The following SCGB2B2 variants were observed in gnomAD, a reference collection of about 807,000 sequenced individuals.
The protein encoded by SCGB2B2 is secretoglobin-like protein.
SCGB2B2 carries 11 observed loss-of-function variants against 7.6 expected under a neutral mutation model. The observed-to-expected ratio is 1.45, with a 90% confidence interval of 0.91 to 2.40. The LOEUF is 2.40. SCGB2B2 is among the 30% of genes most tolerant of loss of function. The pLI is 0.00. For synonymous variants in SCGB2B2, 50 were observed against 48.6 expected (o/e 1.03, Z -0.12); for missense variants, 104 against 115.4 (o/e 0.90, Z 0.45).
Position 34,639,082 on chromosome 19 carries a change from C to T in SCGB2B2, c.-2032+36548G>A, listed in dbSNP as rs954417940. Among the ~76,000 whole-genome samples, 11 of 152,138 alleles carry T rather than the reference C, an allele frequency of 7.2e-5. No individual in the cohort carries two copies. The East Asian group carries it at 1.9e-3, about 27-fold the overall frequency. On this transcript the variant is annotated intron_variant, in intron 1 of 3. Coordinates refer to ENST00000601241, the MANE Select transcript of SCGB2B2 (RefSeq NM_001025591.4). ...GCCGTATCCTTTTACTTTTTTTCCC[C>T]TAATTTTCTTCTGCCCCAATTATTT... is the stretch of plus-strand genomic sequence containing the variant.
chr19:34,645,535 GACACAGACACACACACA>G (rs2066982935), intron 1 of SCGB2B2: 1 of 136,228 alleles, frequency 7.3e-6, no homozygotes, highest in African/African-American at 3.8e-5. Flanking sequence ...GACACACACA[GACACAGACACACACACA>G]CACACACACA....
chr19:34,603,971 G>A (rs2065707047), intron 1 of SCGB2B2, among the ~76,000 whole-genome samples: 1 of 151,728 alleles, frequency 6.6e-6, no homozygotes, highest in African/African-American at 2.4e-5. Context: ...GGGTCTTAGG[G>A]AGATCTCCTT....
chr19:34,636,023 A>G (rs1222775874), intron 1 of SCGB2B2, among the ~76,000 whole-genome samples: 2 of 152,156 alleles, frequency 1.3e-5, no homozygotes, highest in African/African-American at 2.4e-5. Flanking sequence ...TGGACCACAA[A>G]TCCCACAAGG....
intron 1 of SCGB2B2, among the ~76,000 whole-genome samples, chr19:34,643,988 T>C (rs777118788): frequency 6.6e-6 from 1 of 152,206 alleles, no homozygotes; most frequent in Non-Finnish European, 1.5e-5. Flanking sequence ...TACAGTGTAC[T>C]ATATATCCCA....
chr19:34,594,060 G>C (rs947808064), intron 3 of SCGB2B2, 115 bp downstream of exon 3: 17 of 853,670 alleles, frequency 2.0e-5, no homozygotes, highest in Non-Finnish European at 3.2e-5. Flanking sequence ...TGCGCATCCT[G>C]GGATGTGGCT....
At chr19:34,646,135 A>AC (rs2067006074) in intron 1 of SCGB2B2, 1 of 168,426 alleles carries the variant, frequency 5.9e-6, no homozygotes, top group African/African-American at 2.4e-5. Flanking sequence ...CCCTGCACTT[A>AC]CCTTCCCTTC....
intron 1 of SCGB2B2, among the ~76,000 whole-genome samples, chr19:34,648,858 G>C (rs1360537869): frequency 6.9e-6 from 1 of 144,362 alleles, no homozygotes; most frequent in African/African-American, 2.7e-5. Context: ...TGCAAATTCA[G>C]TTTCTCTTTG....
intron 1 of SCGB2B2, among the ~76,000 whole-genome samples, chr19:34,607,870 A>T (rs2065824942): frequency 6.6e-6 from 1 of 152,114 alleles, no homozygotes; most frequent in Non-Finnish European, 1.5e-5. Flanking sequence ...GTTTACAAAT[A>T]TTTTCTCTCA....
intron 1 of SCGB2B2, among the ~76,000 whole-genome samples, chr19:34,626,956 A>G (rs2066395577): frequency 6.6e-6 from 1 of 152,232 alleles, no homozygotes; most frequent in African/African-American, 2.4e-5. Flanking sequence ...CCAATATTCA[A>G]CATTCCTAAA....
intron 3 of SCGB2B2, among the ~76,000 whole-genome samples, 159 bp from the exon 4 acceptor site, chr19:34,593,758 T>A (rs1343707338): frequency 6.6e-6 from 1 of 151,952 alleles, no homozygotes; most frequent in Non-Finnish European, 1.5e-5. Context: ...GTGGGTTGTG[T>A]CTCCTGCTTG....
intron 1 of SCGB2B2, among the ~76,000 whole-genome samples, chr19:34,619,089 T>A (rs2066170372): frequency 6.6e-6 from 1 of 152,174 alleles, no homozygotes; most frequent in Non-Finnish European, 1.5e-5. Flanking sequence ...GAAATTAGAG[T>A]CCCATGACCT....
chr19:34,596,401 C>T lies in SCGB2B2; in HGVS notation c.-1838G>A, dbSNP rs1414440547. On this transcript the variant is annotated 5_prime_UTR_variant, in exon 2 of 4. The change abolishes an upstream ATG in the 5' untranslated region. Coordinates refer to ENST00000601241, the MANE Select transcript of SCGB2B2 (RefSeq NM_001025591.4). The stretch of plus-strand genomic sequence containing the variant: ...ACTCTCAGCCGGCTCTGTGGCCTGT[C>T]ATGTTGTGTGTGCGGGACGAGGCTT... 1 of 152,790 alleles carries T rather than the reference C, an allele frequency of 6.5e-6. No homozygotes were observed. The allele number at this position is 152,790 out of a possible 1,614,324, so 9.5% of individuals were successfully genotyped here. A position where few individuals can be genotyped will look rare whatever the true frequency, so the allele number is the denominator to read the frequency against.
chr19:34,604,268 T>C (rs1338394402), intron 1 of SCGB2B2, among the ~76,000 whole-genome samples: 1 of 152,162 alleles, frequency 6.6e-6, no homozygotes, highest in East Asian at 1.9e-4. Flanking sequence ...TAGCAGACAA[T>C]AGGGAGTTAA....
chr19:34,612,637 GGATGA>G (rs1263559523), intron 1 of SCGB2B2, among the ~76,000 whole-genome samples: 1 of 152,104 alleles, frequency 6.6e-6, no homozygotes, highest in African/African-American at 2.4e-5. Context: ...TACAGTTGTT[GGATGA>G]AATAGTCTGT....
chr19:34,611,036 G>A (rs2065912839), intron 1 of SCGB2B2, among the ~76,000 whole-genome samples: 1 of 151,700 alleles, frequency 6.6e-6, no homozygotes, highest in African/African-American at 2.4e-5. Flanking sequence ...GTTTCTTTTG[G>A]GTTCAATCTT....
intron 1 of SCGB2B2, among the ~76,000 whole-genome samples, chr19:34,661,965 T>C (rs982680141): frequency 1.3e-5 from 2 of 152,100 alleles, no homozygotes; most frequent in African/African-American, 4.8e-5. Flanking sequence ...TCGTAACCTC[T>C]GCCTCCCAGG....
At chr19:34,609,864 G>A (rs936731928) in intron 1 of SCGB2B2, among the ~76,000 whole-genome samples, 1 of 151,946 alleles carries the variant, frequency 6.6e-6, no homozygotes. Context: ...TGAAGATGTC[G>A]TTGGTATTTT....
chr19:34,657,439 G>A (rs8110624), intron 1 of SCGB2B2, among the ~76,000 whole-genome samples: 16,917 of 151,042 alleles, frequency 0.11, 1,182 homozygotes, highest in East Asian at 0.22. Context: ...AAAAAAAGCA[G>A]GGGTTGCAAT....
At chr19:34,638,814 T>C (rs748425142) in intron 1 of SCGB2B2, among the ~76,000 whole-genome samples, 3 of 152,138 alleles carry the variant, frequency 2.0e-5, no homozygotes, top group South Asian at 2.1e-4. Context: ...AATCTGGAGA[T>C]TGGGTCTTCT....
Sources: allele counts gnomAD v4.1 joint callset (sites outside exome capture counted in the v4.1 genomes callset), GRCh38; gene constraint gnomAD v4.1.1; transcripts MANE v1.5; gene names NCBI Gene and HGNC (gene_info 2026-07-23, HGNC 2026-07-21).